The following GRM8 variants were observed in gnomAD, a reference collection of about 807,000 sequenced individuals.
GRM8 encodes the protein glutamate metabotropic receptor 8.
A neutral mutation model predicts 87.2 loss-of-function variants in GRM8; 47 were observed. The ratio of observed to expected loss-of-function variants is 0.54; its 90% CI spans 0.43 to 0.69. The LOEUF (loss-of-function observed/expected upper bound fraction) is 0.69. GRM8 is among the 30% of genes least tolerant of loss of function. The probability of loss-of-function intolerance (pLI) is 0.00; values close to 1 mark genes in which losing one functional copy is unlikely to be tolerated. For missense variants in GRM8, 1,019 were observed against 1,139.2 expected, an observed-to-expected ratio of 0.89 and a Z score of 1.52; for synonymous variants, 396 against 404.5, an observed-to-expected ratio of 0.98 and a Z score of 0.25.
chr7:127,158,202 C>T (rs1333966668), intron 2 of GRM8, among the ~76,000 whole-genome samples: 1 of 152,120 alleles, frequency 6.6e-6, no homozygotes, highest in Non-Finnish European at 1.5e-5. Flanking sequence ...TGTCCTTACC[C>T]CACCTCAAGA....
At chr7:126,891,752 G>T (rs1405308073) in intron 6 of GRM8, among the ~76,000 whole-genome samples, 1 of 151,980 alleles carries the variant, frequency 6.6e-6, no homozygotes, top group African/African-American at 2.4e-5. Context: ...ACATTGCATT[G>T]CAGGAACTGG....
intron 3 of GRM8, among the ~76,000 whole-genome samples, chr7:127,031,044 T>C (rs1462033685): frequency 2.6e-5 from 4 of 152,106 alleles, no homozygotes; most frequent in Non-Finnish European, 4.4e-5. Flanking sequence ...TTGCATTAGG[T>C]TTGGGGCATT....
chr7:126,953,177 G>A (rs1808335759), intron 3 of GRM8, among the ~76,000 whole-genome samples: 1 of 152,042 alleles, frequency 6.6e-6, no homozygotes, highest in African/African-American at 2.4e-5. Flanking sequence ...CTCCTTTGAA[G>A]AGAAAGACCA....
intron 2 of GRM8, among the ~76,000 whole-genome samples, chr7:127,222,076 G>A (rs1374140399): frequency 6.6e-6 from 1 of 152,206 alleles, no homozygotes; most frequent in Non-Finnish European, 1.5e-5. Flanking sequence ...CTTAAATGGT[G>A]AAATCTCTTA....
At chr7:127,033,926 AAAAGACAT>A (rs1817620575) in intron 3 of GRM8, among the ~76,000 whole-genome samples, 1 of 152,330 alleles carries the variant, frequency 6.6e-6, no homozygotes, top group Admixed American at 6.5e-5. Flanking sequence ...TATGGTGTCT[AAAAGACAT>A]ACCACAAGAG....
intron 6 of GRM8, among the ~76,000 whole-genome samples, chr7:126,841,772 C>T (rs974705315): frequency 4.6e-5 from 7 of 151,866 alleles, no homozygotes; most frequent in Non-Finnish European, 8.8e-5. Flanking sequence ...AGACTACAGG[C>T]GCCCCCACCA....
intron 1 of GRM8, among the ~76,000 whole-genome samples, chr7:127,247,614 C>G (rs921600145): frequency 6.6e-6 from 1 of 152,088 alleles, no homozygotes. Context: ...ATGGGGCAGA[C>G]AGAGCTCTCC....
intron 3 of GRM8, among the ~76,000 whole-genome samples, chr7:126,974,407 A>T (rs999801025): frequency 6.6e-6 from 1 of 152,186 alleles, no homozygotes; most frequent in Admixed American, 6.5e-5. Flanking sequence ...CACTATAGTA[A>T]ACACCTTACT....
chr7:126,906,485 C>G lies in GRM8; in HGVS notation c.728-1802G>C, dbSNP rs146376996. On this transcript the variant is annotated intron_variant, in intron 3 of 10. Transcript: ENST00000339582. ...GCACATGCCACCACACCGCACTGGT[C>G]TCCTATAATAATTTATTATGCATTT... Among the ~76,000 whole-genome samples, 568 of 152,174 alleles carry G rather than the reference C, an allele frequency of 3.7e-3. 1 individual carries two copies. The highest frequency in any genetic ancestry group is 6.6e-3 in the Non-Finnish European group (447 of 68,006).
chr7:126,549,463 C>G (rs1194289055), intron 8 of GRM8, among the ~76,000 whole-genome samples: 1 of 152,034 alleles, frequency 6.6e-6, no homozygotes, highest in Non-Finnish European at 1.5e-5. Context: ...TTTGATGCAG[C>G]CTTCTCATTA....
intron 3 of GRM8, among the ~76,000 whole-genome samples, chr7:127,078,789 A>C (rs1200376904): frequency 6.6e-6 from 1 of 152,212 alleles, no homozygotes; most frequent in Non-Finnish European, 1.5e-5. Context: ...ATAAATGCCA[A>C]TTTTTCTTGA....
At chr7:126,472,851 G>T (rs1308522754) in intron 9 of GRM8, among the ~76,000 whole-genome samples, 1 of 152,170 alleles carries the variant, frequency 6.6e-6, no homozygotes, top group East Asian at 1.9e-4. Context: ...GGCTAATAGG[G>T]TCCAATGTAC....
At chr7:127,241,009 C>T (rs958641978) in intron 2 of GRM8, among the ~76,000 whole-genome samples, 3 of 152,228 alleles carry the variant, frequency 2.0e-5, no homozygotes, top group African/African-American at 7.2e-5. Context: ...TGTCAAGAGG[C>T]GCTTCTTAAT....
intron 7 of GRM8, among the ~76,000 whole-genome samples, chr7:126,734,854 G>A (rs1814018551): frequency 5.3e-5 from 8 of 152,048 alleles, no homozygotes; most frequent in Admixed American, 5.3e-4. Flanking sequence ...TCTGCACTCT[G>A]GGAGCAGTGG....
At chr7:126,686,779 T>G (rs1585521737) in intron 7 of GRM8, among the ~76,000 whole-genome samples, 2 of 152,344 alleles carry the variant, frequency 1.3e-5, no homozygotes, top group African/African-American at 4.8e-5. Flanking sequence ...GTGGACAGAA[T>G]GAGCCCAGCA....
intron 2 of GRM8, among the ~76,000 whole-genome samples, chr7:127,127,443 A>AAAATT (rs2133208236): frequency 6.6e-6 from 1 of 152,214 alleles, no homozygotes; most frequent in Admixed American, 6.5e-5. Flanking sequence ...AAAATAAAAT[A>AAAATT]CAACTTGGCA....
chr7:127,076,798 T>C (rs1822314181), intron 3 of GRM8, among the ~76,000 whole-genome samples: 1 of 152,314 alleles, frequency 6.6e-6, no homozygotes, highest in South Asian at 2.1e-4. Flanking sequence ...AATGCCCTTC[T>C]AAGTAAGGAC....
intron 3 of GRM8, among the ~76,000 whole-genome samples, chr7:127,037,569 G>A (rs1017820077): frequency 1.3e-5 from 2 of 152,148 alleles, no homozygotes; most frequent in Non-Finnish European, 2.9e-5. Context: ...TTCTCTCAAA[G>A]TATTACCATC....
intron 7 of GRM8, among the ~76,000 whole-genome samples, chr7:126,631,141 T>C (rs1350933430): frequency 1.3e-5 from 2 of 151,998 alleles, no homozygotes; most frequent in Non-Finnish European, 2.9e-5. Context: ...GAAAACCCTA[T>C]AATCTGTCTA....
Sources: gnomAD v4.1 joint callset for allele counts (sites outside exome capture counted in the v4.1 genomes callset) on GRCh38, gnomAD v4.1.1 for gene constraint, MANE v1.5 for transcripts, NCBI Gene and HGNC (gene_info 2026-07-23, HGNC 2026-07-21) for gene names.